OPHN1: variants seen among roughly 807,000 people sequenced by gnomAD.
OPHN1 encodes oligophrenin-1.
Under a neutral mutation model 60.7 loss-of-function variants are expected in OPHN1, and 11 were observed. The ratio of observed to expected loss-of-function variants is 0.18; its 90% CI spans 0.11 to 0.30. The LOEUF (loss-of-function observed/expected upper bound fraction) is 0.30, where lower values mean the gene tolerates loss of function less well. Among genes scored for constraint, OPHN1 ranks in the 10% least tolerant of loss-of-function variants. The probability of loss-of-function intolerance (pLI) is 1.00; values close to 1 mark genes in which losing one functional copy is unlikely to be tolerated. For synonymous variants in OPHN1, 226 were observed against 222.6 expected (o/e 1.02, Z -0.14); for missense variants, 449 against 611.0 (o/e 0.73, Z 2.80).
chrX:68,394,836 G>A lies in OPHN1; in HGVS notation c.154+38031C>T, dbSNP rs191749773. On this transcript the variant is annotated intron_variant, in intron 2 of 24. Coordinates refer to ENST00000355520, the MANE Select transcript of OPHN1 (RefSeq NM_002547.3). ...TAATTTTTGTATTTTTAGTAGAGACGGGGTTTCACCATCTTGCCCAAGCTT... is the reference window on the plus strand; with the variant it reads ...TAATTTTTGTATTTTTAGTAGAGACAGGGTTTCACCATCTTGCCCAAGCTT... 8.1e-5 allele frequency among the ~76,000 whole-genome samples: 9 copies of A among 111,463 alleles called. No homozygotes were observed. The East Asian group carries it at 1.1e-3, about 14-fold the overall frequency.
chrX:68,252,653 G>A (rs1044997767), intron 5 of OPHN1, among the ~76,000 whole-genome samples: 19 of 112,111 alleles, frequency 1.7e-4, no homozygotes, highest in African/African-American at 6.2e-4. Flanking sequence ...TGATGATGAT[G>A]AATTGGCATC....
intron 2 of OPHN1, among the ~76,000 whole-genome samples, chrX:68,348,041 A>G (rs2078387613): frequency 8.9e-6 from 1 of 111,933 alleles, no homozygotes; most frequent in Non-Finnish European, 1.9e-5. Flanking sequence ...TAAGAACAAA[A>G]GGCTAGGAAT....
At chrX:68,103,863 G>A (rs957700636) in intron 18 of OPHN1, among the ~76,000 whole-genome samples, 24 of 111,877 alleles carry the variant, frequency 2.1e-4, no homozygotes, top group African/African-American at 7.2e-4. Context: ...ATTCAAACAG[G>A]AAGAGAGGAA....
chrX:68,138,360 G>C (rs1227754340), intron 15 of OPHN1, among the ~76,000 whole-genome samples: 1 of 112,320 alleles, frequency 8.9e-6, no homozygotes, highest in Non-Finnish European at 1.9e-5. Flanking sequence ...AAAAGGCAAT[G>C]TGATATATGA....
At chrX:68,222,219 C>T (rs1403826427) in intron 6 of OPHN1, among the ~76,000 whole-genome samples, 3 of 108,618 alleles carry the variant, frequency 2.8e-5, no homozygotes, top group Non-Finnish European at 1.9e-5. Context: ...CAAATCAAAA[C>T]CACAATGAGA....
intron 5 of OPHN1, among the ~76,000 whole-genome samples, chrX:68,247,769 A>AC (rs1385011484): frequency 5.5e-5 from 6 of 108,778 alleles, no homozygotes; most frequent in Admixed American, 9.9e-5. Flanking sequence ...AAAAAAAAAA[A>AC]ACACACAAAA....
intron 6 of OPHN1, among the ~76,000 whole-genome samples, chrX:68,230,768 G>T (rs1462604187): frequency 1.3e-5 from 1 of 77,333 alleles, no homozygotes; most frequent in Non-Finnish European, 2.4e-5. Context: ...TTGACGTGGG[G>T]TGGGGGGAGG....
chrX:68,275,602 T>G (rs1319416398), intron 4 of OPHN1, among the ~76,000 whole-genome samples: 1 of 111,620 alleles, frequency 9.0e-6, no homozygotes. Flanking sequence ...GGCTGCATTT[T>G]GGGAATCATT....
At chrX:68,255,559 C>A (rs1440500273) in intron 5 of OPHN1, among the ~76,000 whole-genome samples, 1 of 111,528 alleles carries the variant, frequency 9.0e-6, no homozygotes, top group African/African-American at 3.3e-5. Flanking sequence ...AGTAAAAAGA[C>A]TGAGGAAGAC....
chrX:68,342,005 T>A (rs1335404510), intron 2 of OPHN1, among the ~76,000 whole-genome samples: 4 of 98,837 alleles, frequency 4.0e-5, no homozygotes, highest in African/African-American at 1.5e-4. Context: ...AGTCTCACTC[T>A]GTCATCCAGG....
At chrX:68,312,100 ATT>A (rs112240586) in intron 2 of OPHN1, among the ~76,000 whole-genome samples, 1,728 of 92,154 alleles carry the variant, frequency 0.019, 47 homozygotes, top group African/African-American at 0.066. Flanking sequence ...ATTATATTCT[ATT>A]TTTTTTTTTT....
chrX:68,311,725 G>T (rs1416585811), intron 2 of OPHN1, among the ~76,000 whole-genome samples: 1 of 111,992 alleles, frequency 8.9e-6, no homozygotes, highest in Non-Finnish European at 1.9e-5. Context: ...GAGCCACCGT[G>T]CCTAGCTGGT....
chrX:68,380,918 A>G (rs777185033), intron 2 of OPHN1, among the ~76,000 whole-genome samples: 4 of 111,773 alleles, frequency 3.6e-5, no homozygotes, highest in South Asian at 7.4e-4. Flanking sequence ...CCCACTATAC[A>G]GAAGAGGAAA....
chrX:68,068,132 T>C (rs2076919660), intron 20 of OPHN1, among the ~76,000 whole-genome samples: 1 of 110,728 alleles, frequency 9.0e-6, no homozygotes, highest in African/African-American at 3.3e-5. Flanking sequence ...TTGGTGAGGA[T>C]GTGGTGAAAT....
intron 5 of OPHN1, among the ~76,000 whole-genome samples, chrX:68,263,001 A>C (rs1404010601): frequency 8.9e-6 from 1 of 112,117 alleles, no homozygotes; most frequent in East Asian, 2.8e-4. Flanking sequence ...GTGGTTTACA[A>C]ATATTTTTAA....
intron 5 of OPHN1, among the ~76,000 whole-genome samples, chrX:68,253,902 T>C (rs1223725114): frequency 1.8e-5 from 2 of 112,009 alleles, no homozygotes; most frequent in African/African-American, 6.5e-5. Flanking sequence ...ATTCTTGCCT[T>C]TGCCGGGCAG....
At chrX:68,128,799 T>C (rs184917474) in intron 15 of OPHN1, among the ~76,000 whole-genome samples, 1 of 112,013 alleles carries the variant, frequency 8.9e-6, no homozygotes, top group African/African-American at 3.2e-5. Context: ...TTATGGAAGG[T>C]TTGTGCTACT....
chrX:68,062,987 C>G (rs1452608731), intron 21 of OPHN1, among the ~76,000 whole-genome samples: 2 of 111,255 alleles, frequency 1.8e-5, no homozygotes, highest in African/African-American at 3.3e-5. Flanking sequence ...CCTATTTCTC[C>G]CAAACTGGAA....
intron 14 of OPHN1, 117 bp downstream of exon 14, chrX:68,193,773 A>T: frequency 1.6e-6 from 1 of 610,382 alleles, no homozygotes; most frequent in South Asian, 2.4e-5. Context: ...GCTTGCATCT[A>T]CTACACAAGC....
Sources: gnomAD v4.1 joint callset for allele counts (sites outside exome capture counted in the v4.1 genomes callset) on GRCh38, gnomAD v4.1.1 for gene constraint, MANE v1.5 for transcripts, NCBI Gene and HGNC (gene_info 2026-07-23, HGNC 2026-07-21) for gene names.